The following STX18 variants were observed in gnomAD, a reference collection of about 807,000 sequenced individuals.
The protein encoded by STX18 is syntaxin 18.
In STX18, 40 loss-of-function variants were observed where a neutral mutation model predicts 50.1. The ratio of observed to expected loss-of-function variants is 0.80; its 90% CI spans 0.62 to 1.04. The LOEUF is 1.04. STX18 is among the 50% of genes least tolerant of loss of function. STX18 has a pLI of 0.00. For synonymous variants in STX18, 158 were observed against 151.8 expected, an observed-to-expected ratio of 1.04 and a Z score of -0.30; for missense variants, 410 against 415.8, an observed-to-expected ratio of 0.99 and a Z score of 0.12.
At chr4:4,452,880 A>G (rs1263210119) in intron 5 of STX18, among the ~76,000 whole-genome samples, 1 of 152,236 alleles carries the variant, frequency 6.6e-6, no homozygotes, top group Non-Finnish European at 1.5e-5. Context: ...GTTTGGAAGA[A>G]GTGGATTCCA....
chr4:4,501,467 C>G (rs148974039), intron 1 of STX18, among the ~76,000 whole-genome samples: 193 of 152,212 alleles, frequency 1.3e-3, no homozygotes, highest in African/African-American at 4.3e-3. Context: ...TTCTTTCACT[C>G]GTTAGTGATT....
chr4:4,465,979 G>C (rs1194597872), intron 2 of STX18, among the ~76,000 whole-genome samples: 6 of 152,192 alleles, frequency 3.9e-5, no homozygotes, highest in African/African-American at 1.4e-4. Flanking sequence ...GCTGATTAAT[G>C]AATCAAATTG....
chr4:4,440,283 A>T (rs1321864756), intron 5 of STX18, among the ~76,000 whole-genome samples: 1 of 152,230 alleles, frequency 6.6e-6, no homozygotes, highest in Admixed American at 6.5e-5. Flanking sequence ...CATATAGTGG[A>T]CATTTTTTCT....
At chr4:4,491,415 G>A (rs1274919626) in intron 1 of STX18, among the ~76,000 whole-genome samples, 1 of 152,034 alleles carries the variant, frequency 6.6e-6, no homozygotes, top group African/African-American at 2.4e-5. Context: ...ACTAACGTAG[G>A]AAAAAGGATA....
intron 5 of STX18, among the ~76,000 whole-genome samples, chr4:4,439,765 T>G (rs556181858): frequency 6.6e-6 from 1 of 152,246 alleles, no homozygotes; most frequent in African/African-American, 2.4e-5. Context: ...CCTCTGCACT[T>G]GGCATTCCCC....
chr4:4,461,128 C>CA (rs1173571097), intron 2 of STX18, among the ~76,000 whole-genome samples: 1 of 152,128 alleles, frequency 6.6e-6, no homozygotes, highest in East Asian at 1.9e-4. Context: ...AAACTCAGCT[C>CA]AGTGAAATTG....
intron 2 of STX18, among the ~76,000 whole-genome samples, chr4:4,460,182 AG>A (rs773059484): frequency 3.9e-5 from 6 of 152,296 alleles, no homozygotes; most frequent in East Asian, 3.9e-4. Flanking sequence ...TAAAAACGTA[AG>A]TTCCACAAAG....
At position 4,510,731 on chromosome 4, in the gene STX18, T is replaced by C. The variant is rs189067516; in HGVS notation, c.168+31066A>G. 1.5e-3 allele frequency among the ~76,000 whole-genome samples: 231 copies of C among 152,258 alleles called. 1 individual carries two copies. The highest frequency in any genetic ancestry group is 5.3e-3 in the African/African-American group (221 of 41,540). ...ATGTTTTTTGCAGCACTATTTACAA[T>C]GGCAAAGACATGGAACGAACCCAAA... On this transcript the variant is annotated intron_variant, in intron 1 of 10. Transcript: ENST00000306200.
At chr4:4,475,249 G>A (rs540674486) in intron 1 of STX18, among the ~76,000 whole-genome samples, 2 of 152,260 alleles carry the variant, frequency 1.3e-5, no homozygotes, top group Admixed American at 1.3e-4. Context: ...ATGAAACGAG[G>A]TTATTAAAAC....
intron 1 of STX18, among the ~76,000 whole-genome samples, chr4:4,499,203 C>T (rs928838161): frequency 6.6e-6 from 1 of 152,256 alleles, no homozygotes; most frequent in South Asian, 2.1e-4. Flanking sequence ...ATTTGAAACA[C>T]AACTCTAAAC....
chr4:4,507,406 C>T, intron 1 of STX18: 1 of 757,944 alleles, frequency 1.3e-6, no homozygotes, highest in Admixed American at 1.7e-5. Flanking sequence ...CGTTCCTCCA[C>T]TGAAATCTTT....
intron 1 of STX18, among the ~76,000 whole-genome samples, chr4:4,519,468 T>G (rs1730420056): frequency 2.0e-5 from 3 of 152,206 alleles, no homozygotes. Flanking sequence ...GGAATGCATT[T>G]CCCATTTCAG....
Position 4,459,966 on chromosome 4 carries a change from G to A in STX18, c.237-479C>T, listed in dbSNP as rs548177929. Among the ~76,000 whole-genome samples the A allele has an allele frequency of 5.9e-5, 9 of 152,226 alleles. No individual in the cohort carries two copies. The South Asian group carries it at 1.0e-3, about 18-fold the overall frequency. On this transcript the variant is annotated intron_variant, in intron 2 of 10. Transcript: ENST00000306200. Reference sequence around the variant, plus strand: ...TGGAATGTTCTTTCCCCAGATAGCTGCATCAATGCATCCCTTACTTCTTTT... The same window carrying A: ...TGGAATGTTCTTTCCCCAGATAGCTACATCAATGCATCCCTTACTTCTTTT...
chr4:4,479,290 T>A (rs770700016), intron 1 of STX18, among the ~76,000 whole-genome samples: 13 of 152,208 alleles, frequency 8.5e-5, no homozygotes, highest in Non-Finnish European at 1.3e-4. Flanking sequence ...TGGTTTGAAA[T>A]AAATACAAAA....
intron 5 of STX18, among the ~76,000 whole-genome samples, chr4:4,450,166 G>A (rs1368867068): frequency 6.6e-6 from 1 of 152,140 alleles, no homozygotes; most frequent in Non-Finnish European, 1.5e-5. Flanking sequence ...GTATAAATGT[G>A]TACATACGTA....
chr4:4,423,424 G>T, intron 9 of STX18, 94 bp downstream of exon 9: 1 of 1,212,286 alleles, frequency 8.2e-7, no homozygotes, highest in Non-Finnish European at 1.2e-6. Flanking sequence ...TCCTGGCTGT[G>T]TAGAGCAGCA....
intron 1 of STX18, among the ~76,000 whole-genome samples, chr4:4,520,990 T>C (rs184594585): frequency 2.7e-4 from 41 of 152,308 alleles, no homozygotes; most frequent in African/African-American, 9.6e-4. Context: ...TTGAACAATC[T>C]TTGAAGATGA....
chr4:4,456,742 C>T (rs550851956), intron 5 of STX18, among the ~76,000 whole-genome samples: 296 of 152,290 alleles, frequency 1.9e-3, no homozygotes, highest in African/African-American at 6.5e-3. Flanking sequence ...GCTCTTCTCT[C>T]AGGAATACAC....
At chr4:4,530,478 T>C (rs2108922340) in intron 1 of STX18, among the ~76,000 whole-genome samples, 2 of 152,194 alleles carry the variant, frequency 1.3e-5, no homozygotes, top group Middle Eastern at 6.8e-3. Flanking sequence ...AATAATGCTG[T>C]AGTGTCTCTA....
Sources: gnomAD v4.1 joint callset for allele counts (sites outside exome capture counted in the v4.1 genomes callset) on GRCh38, gnomAD v4.1.1 for gene constraint, MANE v1.5 for transcripts, NCBI Gene and HGNC (gene_info 2026-07-23, HGNC 2026-07-21) for gene names.